The following MTSS1 variants were observed in gnomAD, a reference collection of about 807,000 sequenced individuals.
The protein encoded by MTSS1 is protein MTSS 1.
Under a neutral mutation model 79.0 loss-of-function variants are expected in MTSS1, and 18 were observed. The ratio of observed to expected loss-of-function variants is 0.23; its 90% confidence interval spans 0.16 to 0.34. The LOEUF (loss-of-function observed/expected upper bound fraction) is 0.34, where lower values mean the gene tolerates loss of function less well. MTSS1 is among the 10% of genes least tolerant of loss of function. The probability of loss-of-function intolerance (pLI) is 1.00; values close to 1 mark genes in which losing one functional copy is unlikely to be tolerated. For synonymous variants in MTSS1, 341 were observed against 368.6 expected (o/e 0.93, Z 0.86); for missense variants, 815 against 986.2 (o/e 0.83, Z 2.33).
chr8:124,589,538 G>A, intron 5 of MTSS1, 82 bp downstream of exon 5: 1 of 1,099,622 alleles, frequency 9.1e-7, no homozygotes, highest in Non-Finnish European at 1.3e-6. Context: ...AATAAACCTA[G>A]CAGAGGGGCC....
At chr8:124,616,248 C>T (rs1836828908) in intron 3 of MTSS1, among the ~76,000 whole-genome samples, 2 of 152,186 alleles carry the variant, frequency 1.3e-5, no homozygotes, top group Non-Finnish European at 2.9e-5. Flanking sequence ...CAAAGGAGAG[C>T]CTATGTTTAT....
intron 1 of MTSS1, among the ~76,000 whole-genome samples, chr8:124,711,185 A>G (rs966997824): frequency 1.3e-5 from 2 of 152,284 alleles, no homozygotes; most frequent in East Asian, 3.9e-4. Flanking sequence ...TGTAATTTAC[A>G]TATCCATCAT....
chr8:124,699,969 A>G (rs1428487622), intron 2 of MTSS1, among the ~76,000 whole-genome samples: 1 of 152,124 alleles, frequency 6.6e-6, no homozygotes, highest in Non-Finnish European at 1.5e-5. Context: ...CAAGATGGTG[A>G]AACCCCGTGT....
intron 3 of MTSS1, among the ~76,000 whole-genome samples, chr8:124,595,386 C>G (rs1246001311): frequency 6.6e-6 from 1 of 152,156 alleles, no homozygotes; most frequent in South Asian, 2.1e-4. Flanking sequence ...TGTCAGGTAC[C>G]ACAGGGCTGG....
intron 3 of MTSS1, among the ~76,000 whole-genome samples, chr8:124,624,066 A>G (rs148222959): frequency 1.1e-4 from 17 of 152,326 alleles, no homozygotes; most frequent in Middle Eastern, 6.8e-3. Context: ...GTGAACTGAT[A>G]TGTGCTGTTA....
intron 3 of MTSS1, among the ~76,000 whole-genome samples, chr8:124,628,169 AAAC>A (rs1359074942): frequency 1.5e-4 from 23 of 152,286 alleles, no homozygotes; most frequent in South Asian, 8.3e-4. Context: ...CCTGTCTCAA[AAAC>A]AACAACAACA....
chr8:124,720,183 AC>A (rs1446574937), intron 1 of MTSS1, among the ~76,000 whole-genome samples: 1 of 152,226 alleles, frequency 6.6e-6, no homozygotes, highest in Non-Finnish European at 1.5e-5. Context: ...GACAGGACAA[AC>A]AACAAAAGTG....
At chr8:124,647,525 T>A (rs538127966) in intron 3 of MTSS1, among the ~76,000 whole-genome samples, 55 of 152,304 alleles carry the variant, frequency 3.6e-4, no homozygotes, top group African/African-American at 1.2e-3. Context: ...ATACAATAGA[T>A]CTCCACAACT....
intron 1 of MTSS1, among the ~76,000 whole-genome samples, chr8:124,723,330 A>G (rs1275102477): frequency 6.6e-6 from 1 of 152,224 alleles, no homozygotes; most frequent in Non-Finnish European, 1.5e-5. Context: ...AGAACTGGGC[A>G]ATGGCTGAAC....
Sources: allele counts gnomAD v4.1 joint callset (sites outside exome capture counted in the v4.1 genomes callset), GRCh38; gene constraint gnomAD v4.1.1; transcripts MANE v1.5; gene names NCBI Gene and HGNC (gene_info 2026-07-23, HGNC 2026-07-21).